Variants in HDAC9 observed in about 807,000 individuals in gnomAD.
HDAC9 encodes histone deacetylase 9.
HDAC9 carries 41 observed loss-of-function variants against 139.4 expected under a neutral mutation model. The observed-to-expected ratio is 0.29, with a 90% CI of 0.23 to 0.38. The LOEUF (loss-of-function observed/expected upper bound fraction) is 0.38. Ranked by LOEUF, HDAC9 falls within the 10% of genes least tolerant of loss-of-function variation. The pLI is 1.00. For missense variants in HDAC9, 1,147 were observed against 1,297.0 expected (o/e 0.88, Z 1.78); for synonymous variants, 517 against 476.2 (o/e 1.09, Z -1.12).
intron 1 of HDAC9, among the ~76,000 whole-genome samples, chr7:18,332,052 C>T (rs892803762): frequency 1.5e-4 from 22 of 151,724 alleles, no homozygotes; most frequent in African/African-American, 4.8e-4. Flanking sequence ...GGCCTTTGCC[C>T]GTCATTCAGA....
chr7:18,899,249 T>G (rs1289524856), intron 22 of HDAC9: 1 of 152,034 alleles, frequency 6.6e-6, no homozygotes, highest in Non-Finnish European at 1.5e-5. Context: ...CTTGTAGTGC[T>G]TAGATTTGAA....
At chr7:18,483,866 T>G (rs537697929) in intron 1 of HDAC9, among the ~76,000 whole-genome samples, 38 of 152,300 alleles carry the variant, frequency 2.5e-4, no homozygotes, top group African/African-American at 8.9e-4. Context: ...TTCAAAATTT[T>G]GAGTATTATT....
intron 14 of HDAC9, among the ~76,000 whole-genome samples, chr7:18,761,405 T>C (rs1789376545): frequency 6.6e-6 from 1 of 152,222 alleles, no homozygotes; most frequent in African/African-American, 2.4e-5. Context: ...GGTTTTGTTT[T>C]TGTTTAATTT....
At chr7:18,162,312 C>T in exon 2 of HDAC9, 1 of 1,535,074 alleles carries the variant, frequency 6.5e-7, no homozygotes, top group Non-Finnish European at 8.7e-7. Context: ...TCTTAGCAGT[C>T]CCTCTGATTC....
chr7:18,137,629 C>T (rs896520742), intron 1 of HDAC9, among the ~76,000 whole-genome samples: 1 of 150,252 alleles, frequency 6.7e-6, no homozygotes, highest in African/African-American at 2.4e-5. Flanking sequence ...GTATATTGAA[C>T]CAGCCTTGCA....
At chr7:18,988,116 G>T (rs1338068227) in intron 25 of HDAC9, among the ~76,000 whole-genome samples, 2 of 152,096 alleles carry the variant, frequency 1.3e-5, no homozygotes, top group Non-Finnish European at 2.9e-5. Context: ...TTTTGAATGT[G>T]TTTGCTCTTG....
At chr7:18,985,192 T>C (rs1785239697) in intron 25 of HDAC9, among the ~76,000 whole-genome samples, 1 of 152,168 alleles carries the variant, frequency 6.6e-6, no homozygotes, top group African/African-American at 2.4e-5. Flanking sequence ...CATCTAGCAT[T>C]AGGTATATCT....
intron 1 of HDAC9, among the ~76,000 whole-genome samples, chr7:18,377,028 A>T (rs1156532196): frequency 6.6e-6 from 1 of 152,162 alleles, no homozygotes; most frequent in East Asian, 1.9e-4. Flanking sequence ...CCTTGGCTAG[A>T]GATACAGTGT....
At chr7:18,479,836 G>C (rs1299810204) in intron 1 of HDAC9, among the ~76,000 whole-genome samples, 2 of 151,680 alleles carry the variant, frequency 1.3e-5, no homozygotes, top group Non-Finnish European at 2.9e-5. Context: ...TATGGTAATG[G>C]TTTATTATAT....
At chr7:18,184,412 AAAAT>A (rs895797135) in intron 2 of HDAC9, among the ~76,000 whole-genome samples, 16 of 152,236 alleles carry the variant, frequency 1.1e-4, no homozygotes, top group African/African-American at 3.9e-4. Flanking sequence ...AATAAATAAA[AAAAT>A]AAATAATGAG....
chr7:18,749,669 C>T (rs921543819), intron 14 of HDAC9, among the ~76,000 whole-genome samples: 11 of 152,104 alleles, frequency 7.2e-5, no homozygotes, highest in African/African-American at 1.4e-4. Flanking sequence ...TTTCAGTAGG[C>T]GCTTGGTGAA....
chr7:18,183,421 G>A (rs1255395927), intron 2 of HDAC9, among the ~76,000 whole-genome samples: 6 of 152,044 alleles, frequency 3.9e-5, no homozygotes, highest in Non-Finnish European at 5.9e-5. Flanking sequence ...TAATAATTAC[G>A]ATGGCTAGAA....
chr7:18,268,734 A>T (rs1347365259), intron 2 of HDAC9, among the ~76,000 whole-genome samples: 1 of 152,274 alleles, frequency 6.6e-6, no homozygotes, highest in South Asian at 2.1e-4. Context: ...GTTTCCAGTA[A>T]TGGGGGGTGG....
intron 6 of HDAC9, among the ~76,000 whole-genome samples, chr7:18,615,164 G>A (rs1322393768): frequency 6.6e-6 from 1 of 152,082 alleles, no homozygotes; most frequent in African/African-American, 2.4e-5. Flanking sequence ...AGTTGTAAGA[G>A]ACTGGAATTG....
intron 21 of HDAC9, among the ~76,000 whole-genome samples, chr7:18,845,316 C>G (rs1333663380): frequency 6.6e-6 from 1 of 152,078 alleles, no homozygotes; most frequent in Non-Finnish European, 1.5e-5. Context: ...GAGTCTGGCA[C>G]AGGTCTCTAA....
intron 23 of HDAC9, among the ~76,000 whole-genome samples, chr7:18,939,797 T>TTAGA (rs890238825): frequency 6.6e-6 from 1 of 152,182 alleles, no homozygotes; most frequent in African/African-American, 2.4e-5. Flanking sequence ...AATAGAGCAA[T>TTAGA]TAGAACTCAT....
intron 25 of HDAC9, among the ~76,000 whole-genome samples, chr7:18,981,502 C>T (rs888634064): frequency 2.6e-5 from 4 of 152,150 alleles, no homozygotes; most frequent in Non-Finnish European, 5.9e-5. Context: ...AATGTATTGG[C>T]AAGGCTGCCT....
At chr7:18,759,335 C>T (rs1789167291) in intron 14 of HDAC9, among the ~76,000 whole-genome samples, 1 of 152,096 alleles carries the variant, frequency 6.6e-6, no homozygotes, top group Non-Finnish European at 1.5e-5. Flanking sequence ...TTTTCAGCTG[C>T]TCCCTGTTGC....
At chr7:18,338,430 G>T (rs533258291) in intron 1 of HDAC9, among the ~76,000 whole-genome samples, 16 of 151,664 alleles carry the variant, frequency 1.1e-4, no homozygotes, top group Admixed American at 5.9e-4. Flanking sequence ...GTACGTAGCA[G>T]GTACTTAATA....
Sources: allele counts gnomAD v4.1 joint callset (sites outside exome capture counted in the v4.1 genomes callset), GRCh38; gene constraint gnomAD v4.1.1; transcripts MANE v1.5; gene names NCBI Gene and HGNC (gene_info 2026-07-23, HGNC 2026-07-21).